SPG11: variants seen among roughly 807,000 people sequenced by gnomAD.
SPG11 encodes the protein SPG11 vesicle trafficking associated, spatacsin, also known as spatacsin.
In SPG11, 222 loss-of-function variants were observed where a neutral mutation model predicts 274.0. The observed-to-expected ratio is 0.81, with a 90% confidence interval of 0.73 to 0.91. SPG11 has a LOEUF of 0.91. SPG11 is among the 40% of genes least tolerant of loss of function. SPG11 has a pLI of 0.00. For missense variants in SPG11, 3,114 were observed against 2,872.7 expected, an observed-to-expected ratio of 1.08 and a Z score of -1.92; for synonymous variants, 1,144 against 1,039.7, an observed-to-expected ratio of 1.10 and a Z score of -1.93.
At position 44,622,797 on chromosome 15, in the gene SPG11, C is replaced by A; in HGVS notation, c.2247G>T (p.Gly749=). 6.2e-7 allele frequency: 1 copy of A among 1,613,200 alleles called. No individual in the cohort carries two copies. Among genetic ancestry groups the A allele is most frequent in the Non-Finnish European group, 8.5e-7 (1 of 1,179,354 alleles). ...KEASELLKNM[G]FDVKGQLLKI... is the part of the protein sequence containing the mutation. ...TGAGCAATTGGCCTTTTACATCAAACCCCTAAAATAAACATAGAAAACCAA... is the reference window on the plus strand; with the variant it reads ...TGAGCAATTGGCCTTTTACATCAAAACCCTAAAATAAACATAGAAAACCAA... Residue 749 remains glycine, a splice_region_variant and synonymous_variant, in exon 12 of 40, where the codon GGG becomes GGT. Transcript: ENST00000261866.
At chr15:44,629,923 T>G (rs1323496390) in intron 8 of SPG11, among the ~76,000 whole-genome samples, 1 of 152,108 alleles carries the variant, frequency 6.6e-6, no homozygotes, top group Non-Finnish European at 1.5e-5. Context: ...ATACAAAAAT[T>G]AGCCAGGCGT....
At chr15:44,663,362 C>T (rs1170129782) in intron 1 of SPG11, 29 bp downstream of exon 1, 1 of 1,598,968 alleles carries the variant, frequency 6.3e-7, no homozygotes, top group Middle Eastern at 1.7e-4. Flanking sequence ...TGGACTCCCC[C>T]AACGGCCCAA....
intron 16 of SPG11, 108 bp from the exon 17 acceptor site, chr15:44,613,644 T>C: frequency 1.4e-6 from 1 of 709,238 alleles, no homozygotes; most frequent in East Asian, 2.8e-5. Flanking sequence ...ATCTTGGAAT[T>C]AAAAAGTAAA....
intron 20 of SPG11, among the ~76,000 whole-genome samples, chr15:44,605,749 T>C (rs1408699509): frequency 6.6e-6 from 1 of 152,230 alleles, no homozygotes; most frequent in Admixed American, 6.5e-5. Context: ...TTTATGATAC[T>C]ATACTGGAAA....
At chr15:44,659,430 A>G in intron 2 of SPG11, 127 bp from the exon 3 acceptor site, 1 of 832,182 alleles carries the variant, frequency 1.2e-6, no homozygotes, top group Non-Finnish European at 1.9e-6. Flanking sequence ...AACTTTACGC[A>G]GTTATCGTTC....
At chr15:44,616,140 A>C (rs1223690016) in intron 15 of SPG11, among the ~76,000 whole-genome samples, 1 of 151,896 alleles carries the variant, frequency 6.6e-6, no homozygotes, top group East Asian at 1.9e-4. Flanking sequence ...ATTCCTTCCC[A>C]ACTGCATGCC....
intron 11 of SPG11, 21 bp from the exon 12 acceptor site, chr15:44,622,820 C>CA: frequency 6.3e-7 from 1 of 1,585,182 alleles, no homozygotes; most frequent in Non-Finnish European, 8.7e-7. Context: ...CATAGAAAAC[C>CA]AAAAAAAGTT....
At chr15:44,640,465 T>A (rs1042869044) in intron 7 of SPG11, among the ~76,000 whole-genome samples, 10 of 152,154 alleles carry the variant, frequency 6.6e-5, no homozygotes, top group Non-Finnish European at 5.9e-5. Context: ...TTTAATGTAA[T>A]TCTAATATAA....
chr15:44,587,693 C>CCAAAAAAAAAAAAAAAAA (rs2082797943), intron 28 of SPG11, among the ~76,000 whole-genome samples: 1 of 34,054 alleles, frequency 2.9e-5, no homozygotes, highest in African/African-American at 1.8e-4. Flanking sequence ...CAGACTGTCT[C>CCAAAAAAAAAAAAAAAAA]AAAAAAAAAA....
At chr15:44,625,339 C>A (rs911214498) in intron 11 of SPG11, among the ~76,000 whole-genome samples, 1 of 152,022 alleles carries the variant, frequency 6.6e-6, no homozygotes, top group African/African-American at 2.4e-5. Flanking sequence ...GATCTGTGCC[C>A]CTGCCCAAAT....
Position 44,569,491 on chromosome 15 carries a change from A to C in SPG11, c.6492T>G (p.Thr2164=). 6.3e-7 allele frequency: 1 copy of C among 1,593,696 alleles called. No individual in the cohort carries two copies. The highest frequency in any genetic ancestry group is 8.6e-7 in the Non-Finnish European group (1 of 1,169,136). Reference sequence around the variant, plus strand: ...TCATCTCGTTGTACCTTCCAATGCCAGTGAGGAGCCGTACCTGTGAAGTGG... The same window carrying C: ...TCATCTCGTTGTACCTTCCAATGCCCGTGAGGAGCCGTACCTGTGAAGTGG... ...EEYGLVVRLL[T]GIGRYNEMTY... The change falls in exon 35 of 40, where the codon ACT becomes ACG. Residue 2164 remains threonine, a synonymous_variant. Coordinates refer to ENST00000261866, the MANE Select transcript of SPG11 (RefSeq NM_025137.4).
intron 35 of SPG11, among the ~76,000 whole-genome samples, chr15:44,568,177 A>T (rs1007772927): frequency 2.8e-4 from 43 of 152,362 alleles, no homozygotes; most frequent in African/African-American, 1.0e-3. Context: ...CCAGATGGAT[A>T]GACACTGAGG....
intron 7 of SPG11, among the ~76,000 whole-genome samples, chr15:44,636,964 A>AAAAAAAAAAAAT: frequency 1.4e-5 from 2 of 146,284 alleles, no homozygotes; most frequent in Non-Finnish European, 3.0e-5. Context: ...AAAACAAAAA[A>AAAAAAAAAAAAT]AAAACACAAA....
At chr15:44,622,565 A>G (rs2083783377) in intron 12 of SPG11, 163 bp downstream of exon 12, 1 of 756,226 alleles carries the variant, frequency 1.3e-6, no homozygotes, top group Admixed American at 2.8e-5. Context: ...GTCATTGAAG[A>G]AAGATGAAGG....
intron 28 of SPG11, among the ~76,000 whole-genome samples, chr15:44,587,693 C>CAAAA (rs34479385): frequency 2.1e-4 from 7 of 34,052 alleles, no homozygotes; most frequent in African/African-American, 7.1e-4. Context: ...CAGACTGTCT[C>CAAAA]AAAAAAAAAA....
In SPG11 at chr15:44,629,100, A is replaced by G. The variant is rs890384067; in HGVS notation, c.1891+133T>C. 4 of 1,080,822 alleles carry G rather than the reference A, an allele frequency of 3.7e-6. No individual in the cohort carries two copies. In the African/African-American group the frequency reaches 6.2e-5, roughly 17 times the overall value. The allele number at this position is 1,080,822 out of a possible 1,614,324, so 67.0% of individuals were successfully genotyped here. A position where few individuals can be genotyped will look rare whatever the true frequency, so the allele number is the denominator to read the frequency against. ...TATCAAAACCCATTTCACTTACTCA[A>G]CTACACACTGACCTTACCCAAATGT... On this transcript the variant is annotated intron_variant, in intron 9 of 39. Transcript: ENST00000261866.
At chr15:44,578,310 C>T (rs2082588507) in intron 30 of SPG11, among the ~76,000 whole-genome samples, 2 of 151,584 alleles carry the variant, frequency 1.3e-5, no homozygotes, top group Admixed American at 6.6e-5. Flanking sequence ...GGATTACAGG[C>T]GTGAGCCACC....
chr15:44,642,262 G>T (rs1211755107), intron 7 of SPG11, among the ~76,000 whole-genome samples: 1 of 151,364 alleles, frequency 6.6e-6, no homozygotes, highest in African/African-American at 2.4e-5. Flanking sequence ...CTACTCAGGA[G>T]GCTGAGGCAG....
chr15:44,604,302 G>A (rs1341487471), intron 20 of SPG11: 2 of 305,418 alleles, frequency 6.5e-6, no homozygotes, highest in Non-Finnish European at 1.3e-5. Flanking sequence ...ACTGTCACAT[G>A]CCCTATTTGT....
Sources: allele counts gnomAD v4.1 joint callset (sites outside exome capture counted in the v4.1 genomes callset), GRCh38; gene constraint gnomAD v4.1.1; transcripts MANE v1.5; gene names NCBI Gene and HGNC (gene_info 2026-07-23, HGNC 2026-07-21).